The following CELF1 variants were observed in gnomAD, a reference collection of about 807,000 sequenced individuals.
The protein encoded by CELF1 is CUGBP Elav-like family member 1, also known as 50 kDa nuclear polyadenylated RNA-binding protein.
Under a neutral mutation model 61.8 loss-of-function variants are expected in CELF1, and 10 were observed. The ratio of observed to expected loss-of-function variants is 0.16; its 90% CI spans 0.10 to 0.27. The LOEUF is 0.27. Ranked by LOEUF, CELF1 falls within the 10% of genes least tolerant of loss-of-function variation. The pLI, the probability that CELF1 is intolerant of heterozygous loss-of-function variation, is 1.00. For missense variants in CELF1, 380 were observed against 639.1 expected (o/e 0.59, Z 4.37); for synonymous variants, 236 against 225.1 (o/e 1.05, Z -0.43).
chr11:47,535,744 G>C (rs1300175343), intron 1 of CELF1, among the ~76,000 whole-genome samples: 1 of 150,548 alleles, frequency 6.6e-6, no homozygotes, highest in African/African-American at 2.4e-5. Context: ...CTTTCCTGTA[G>C]CATGCCCACA....
chr11:47,499,981 C>T (rs986464835), intron 2 of CELF1, among the ~76,000 whole-genome samples: 2 of 152,140 alleles, frequency 1.3e-5, no homozygotes, highest in African/African-American at 2.4e-5. Context: ...AAAGGCTCAC[C>T]GAAGAAATGG....
At chr11:47,502,520 ATG>A (rs538599914) in intron 1 of CELF1, among the ~76,000 whole-genome samples, 6 of 151,518 alleles carry the variant, frequency 4.0e-5, no homozygotes, top group African/African-American at 9.7e-5. Context: ...GTGTGTGTGT[ATG>A]TGTGTGTGTG....
intron 13 of CELF1, 60 bp downstream of exon 13, chr11:47,475,276 G>A (rs779438154): frequency 3.5e-5 from 54 of 1,542,290 alleles, no homozygotes; most frequent in Non-Finnish European, 4.6e-5. Context: ...CTGCCTTTCC[G>A]TTCTGGTATA....
intron 1 of CELF1, among the ~76,000 whole-genome samples, chr11:47,515,725 A>G (rs1447748147): frequency 1.3e-5 from 2 of 152,226 alleles, no homozygotes; most frequent in Non-Finnish European, 2.9e-5. Context: ...GAGATTCTTC[A>G]GCATTTTCAT....
intron 1 of CELF1, among the ~76,000 whole-genome samples, chr11:47,511,119 G>A (rs1162478102): frequency 6.6e-6 from 1 of 152,134 alleles, no homozygotes; most frequent in Non-Finnish European, 1.5e-5. Flanking sequence ...CCCAGAGGTC[G>A]AGGCTGCAGT....
upstream of CELF1, chr11:47,557,972 C>T (rs2097210867): frequency 6.6e-6 from 1 of 152,156 alleles, no homozygotes. Context: ...TCTCCTGCCT[C>T]ATCCTCCCGA....
At chr11:47,485,259 C>T (rs928700042) in intron 6 of CELF1, among the ~76,000 whole-genome samples, 1 of 152,172 alleles carries the variant, frequency 6.6e-6, no homozygotes, top group Non-Finnish European at 1.5e-5. Flanking sequence ...TGGCTCACTA[C>T]AGCCTTGACC....
At chr11:47,492,272 C>T (rs891374855) in intron 3 of CELF1, among the ~76,000 whole-genome samples, 7 of 152,288 alleles carry the variant, frequency 4.6e-5, no homozygotes, top group Middle Eastern at 3.4e-3. Flanking sequence ...GGAACTACTG[C>T]GCCTGGCCTA....
intron 1 of CELF1, among the ~76,000 whole-genome samples, chr11:47,501,315 T>G (rs1339055891): frequency 2.2e-5 from 3 of 138,340 alleles, no homozygotes; most frequent in Non-Finnish European, 5.0e-5. Context: ...AGCCCATGCC[T>G]GTCAGGCAGA....
rs74222642 is a variant in CELF1, at chr11:47,511,420, TG to T, written c.-153-10489del. On this transcript the variant is annotated intron_variant, in intron 1 of 14. Transcript: ENST00000687097. ...ATAGATAATTCATCAATATTATATC[TG>T]GCTTTGACATAAATGGTTTTTTGAA... is the stretch of plus-strand genomic sequence containing the variant. 5.3e-5 allele frequency among the ~76,000 whole-genome samples: 8 copies of T among 151,962 alleles called. No individual in the cohort carries two copies. The East Asian group carries it at 1.5e-3, about 29-fold the overall frequency.
intron 1 of CELF1, chr11:47,513,864 A>AT (rs2153615734): frequency 6.6e-6 from 1 of 151,160 alleles, no homozygotes; most frequent in South Asian, 2.1e-4. Flanking sequence ...ATTTTGGTTT[A>AT]TCTTCTACCA....
At chr11:47,502,727 G>A (rs2094071170) in intron 1 of CELF1, among the ~76,000 whole-genome samples, 1 of 152,152 alleles carries the variant, frequency 6.6e-6, no homozygotes, top group South Asian at 2.1e-4. Context: ...AGCTACTCGG[G>A]AGGCTGAGGC....
chr11:47,489,162 T>TG, intron 3 of CELF1, 138 bp from the exon 4 acceptor site: 1 of 746,276 alleles, frequency 1.3e-6, no homozygotes, highest in East Asian at 3.2e-5. Flanking sequence ...TCCATTCAGT[T>TG]TACCAGAGTT....
intron 1 of CELF1, among the ~76,000 whole-genome samples, chr11:47,541,793 CGAA>C (rs2096805082): frequency 1.4e-4 from 2 of 13,834 alleles, no homozygotes; most frequent in Admixed American, 8.5e-4. Context: ...AAAGAAAGAA[CGAA>C]AGAAAGAAAG....
chr11:47,475,212 CTG>C (rs777173359), intron 13 of CELF1, 122 bp downstream of exon 13: 4 of 831,398 alleles, frequency 4.8e-6, no homozygotes, highest in Non-Finnish European at 7.8e-6. Context: ...ACACTTGACA[CTG>C]TCAAAGAAAA....
chr11:47,538,154 C>G (rs1290257004), intron 1 of CELF1, among the ~76,000 whole-genome samples: 1 of 152,084 alleles, frequency 6.6e-6, no homozygotes, highest in Non-Finnish European at 1.5e-5. Context: ...CTCAAGCAAT[C>G]CTCTTGCCTC....
At chr11:47,540,274 A>T (rs1249395143) in intron 1 of CELF1, among the ~76,000 whole-genome samples, 1 of 152,212 alleles carries the variant, frequency 6.6e-6, no homozygotes, top group Non-Finnish European at 1.5e-5. Context: ...ACAAATACTG[A>T]ATCATGAGCA....
intron 1 of CELF1, among the ~76,000 whole-genome samples, chr11:47,506,360 G>A (rs1336912292): frequency 1.4e-5 from 2 of 141,714 alleles, no homozygotes; most frequent in East Asian, 3.9e-4. Context: ...CCGGGAGGCG[G>A]AGGGGTTGCA....
chr11:47,515,362 G>A (rs906666947), intron 1 of CELF1, among the ~76,000 whole-genome samples: 1 of 152,112 alleles, frequency 6.6e-6, no homozygotes, highest in Non-Finnish European at 1.5e-5. Flanking sequence ...CAAACCCAAA[G>A]GCTCAGTCAT....
Sources: gnomAD v4.1 joint callset for allele counts (sites outside exome capture counted in the v4.1 genomes callset) on GRCh38, gnomAD v4.1.1 for gene constraint, MANE v1.5 for transcripts, NCBI Gene and HGNC (gene_info 2026-07-23, HGNC 2026-07-21) for gene names.